The following DYSF variants were observed in gnomAD, a reference collection of about 807,000 sequenced individuals.
DYSF encodes dysferlin, also known as dystrophy-associated fer-1-like 1.
DYSF carries 212 observed loss-of-function variants against 274.9 expected under a neutral mutation model. That is an observed-to-expected ratio of 0.77 (90% CI 0.69 to 0.86). DYSF has a LOEUF of 0.86. DYSF is among the 40% of genes least tolerant of loss of function. DYSF has a pLI of 0.00. For missense variants in DYSF, 2,666 were observed against 2,783.2 expected, an observed-to-expected ratio of 0.96 and a Z score of 0.95; for synonymous variants, 1,091 against 1,078.7, an observed-to-expected ratio of 1.01 and a Z score of -0.22.
chr2:71,681,981 G>A (rs917026313), intron 54 of DYSF, among the ~76,000 whole-genome samples: 1 of 152,230 alleles, frequency 6.6e-6, no homozygotes, highest in Non-Finnish European at 1.5e-5. Context: ...ACGGGGCCAT[G>A]ATGGAGACCC....
At chr2:71,597,102 C>G (rs1209434436) in intron 32 of DYSF, among the ~76,000 whole-genome samples, 1 of 152,214 alleles carries the variant, frequency 6.6e-6, no homozygotes, top group Non-Finnish European at 1.5e-5. Flanking sequence ...TTGCTCTTCT[C>G]CCCTTTGTGC....
intron 55 of DYSF, among the ~76,000 whole-genome samples, chr2:71,683,391 C>T (rs367891352): frequency 6.2e-4 from 94 of 152,290 alleles, no homozygotes; most frequent in South Asian, 1.2e-3. Flanking sequence ...TTCCCCAGCC[C>T]GCACAGCTCA....
chr2:71,515,896 A>G (rs1028081295), intron 8 of DYSF, 145 bp downstream of exon 8: 8 of 1,265,706 alleles, frequency 6.3e-6, no homozygotes, highest in South Asian at 1.4e-5. Context: ...CAAGGAGGTT[A>G]TCTGTGGGAC....
At position 71,632,931 on chromosome 2, in the gene DYSF, T is replaced by A. The variant is rs1249750881; in HGVS notation, c.4528-11034T>A. ...TTGCCATCTGTTTGACTTTACTGGA[T>A]GTCAGGCCCATGTAGTCTCTGGGCC... On this transcript the variant is annotated intron_variant, in intron 41 of 55. Coordinates refer to ENST00000410020, the MANE Select transcript of DYSF (RefSeq NM_001130987.2). 2.0e-5 allele frequency among the ~76,000 whole-genome samples: 3 copies of A among 152,206 alleles called. No homozygotes were observed. The East Asian group carries it at 5.8e-4, about 29-fold the overall frequency.
rs755709561 is a variant in DYSF, at chr2:71,551,066, C to G, written c.1602C>G (p.Pro534=). ...TGGATGACTACCTGGGCTTCCTCCC[C>G]ACTTTTGGGCCCTGCTACATCAACC... The part of the protein sequence containing the change: ...IEVDDYLGFL[P]TFGPCYINLY... Residue 534 remains proline (P), a synonymous_variant, in exon 18 of 56, where the codon CCC becomes CCG. Coordinates refer to ENST00000410020, the MANE Select transcript of DYSF (RefSeq NM_001130987.2). 6.2e-7 allele frequency: 1 copy of G among 1,614,138 alleles called. No homozygotes were observed. The highest frequency in any genetic ancestry group is 1.3e-5 in the African/African-American group (1 of 75,044).
chr2:71,502,162 G>A (rs1435117327), intron 3 of DYSF, among the ~76,000 whole-genome samples: 1 of 151,782 alleles, frequency 6.6e-6, no homozygotes, highest in East Asian at 1.9e-4. Context: ...TAGTATCTCA[G>A]TGTGAGTAGT....
At chr2:71,660,783 T>A in intron 45 of DYSF, 132 bp downstream of exon 45, 1 of 785,610 alleles carries the variant, frequency 1.3e-6, no homozygotes, top group South Asian at 1.5e-5. Flanking sequence ...AAATCTTGCA[T>A]GTCTATGGGG....
chr2:71,583,212 T>G (rs1228983911), intron 30 of DYSF, among the ~76,000 whole-genome samples: 3 of 152,216 alleles, frequency 2.0e-5, no homozygotes, highest in Non-Finnish European at 1.5e-5. Flanking sequence ...TAATCTGCTC[T>G]CGTGAACCAC....
intron 22 of DYSF, among the ~76,000 whole-genome samples, chr2:71,561,150 C>CG (rs2091727974): frequency 6.6e-6 from 1 of 152,130 alleles, no homozygotes; most frequent in South Asian, 2.1e-4. Flanking sequence ...CATGTACCCC[C>CG]CACCTCCTCT....
intron 41 of DYSF, among the ~76,000 whole-genome samples, chr2:71,640,429 G>A (rs946994852): frequency 2.0e-5 from 3 of 152,182 alleles, no homozygotes; most frequent in Admixed American, 6.5e-5. Context: ...TAAAGGGTCA[G>A]ATAGTAAGTA....
intron 48 of DYSF, 126 bp from the exon 49 acceptor site, chr2:71,668,628 T>C (rs2095060869): frequency 1.1e-6 from 1 of 878,702 alleles, no homozygotes; most frequent in African/African-American, 1.7e-5. Flanking sequence ...TTTAGGGCAG[T>C]GAGGCTTTCT....
At chr2:71,676,142 T>G (rs924342570) in intron 52 of DYSF, among the ~76,000 whole-genome samples, 1 of 152,196 alleles carries the variant, frequency 6.6e-6, no homozygotes, top group East Asian at 1.9e-4. Flanking sequence ...ATGCACATCC[T>G]TCGATCCTTT....
intron 45 of DYSF, among the ~76,000 whole-genome samples, chr2:71,663,252 T>C (rs2152949139): frequency 6.6e-6 from 1 of 152,330 alleles, no homozygotes; most frequent in African/African-American, 2.4e-5. Context: ...TTCCTGTGGG[T>C]GCTTTCCAGA....
At chr2:71,467,015 C>T (rs2081582295) in intron 1 of DYSF, 82 bp downstream of exon 1, 18 of 1,510,270 alleles carry the variant, frequency 1.2e-5, no homozygotes, top group Non-Finnish European at 1.4e-5. Context: ...AGCCCCTGCT[C>T]CGGAGCTAAC....
At chr2:71,485,818 A>C (rs575395700) in intron 3 of DYSF, among the ~76,000 whole-genome samples, 7 of 152,226 alleles carry the variant, frequency 4.6e-5, no homozygotes, top group African/African-American at 1.7e-4. Context: ...TGAGCATTTT[A>C]TGTATTTATT....
intron 1 of DYSF, among the ~76,000 whole-genome samples, chr2:71,473,965 T>G (rs181773604): frequency 6.7e-6 from 1 of 149,358 alleles, no homozygotes; most frequent in East Asian, 2.0e-4. Context: ...TTTCTCTTGT[T>G]GCCCAGGCTG....
chr2:71,466,649 G>C, upstream of DYSF: 1 of 1,309,628 alleles, frequency 7.6e-7, no homozygotes, highest in Non-Finnish European at 9.7e-7. Context: ...GGGAGGGTCC[G>C]CCCAGCGGGT....
intron 41 of DYSF, among the ~76,000 whole-genome samples, chr2:71,643,104 C>T (rs1442966962): frequency 6.6e-6 from 1 of 152,064 alleles, no homozygotes; most frequent in Non-Finnish European, 1.5e-5. Context: ...CTTCAGGGAG[C>T]TTGGTGACCC....
intron 36 of DYSF, chr2:71,610,943 G>A (rs556860698): frequency 1.8e-5 from 8 of 441,638 alleles, no homozygotes; most frequent in Admixed American, 1.7e-4. Flanking sequence ...GGGCAGACCC[G>A]GAGCAGCTCA....
Sources: allele counts gnomAD v4.1 joint callset (sites outside exome capture counted in the v4.1 genomes callset), GRCh38; gene constraint gnomAD v4.1.1; transcripts MANE v1.5; gene names NCBI Gene and HGNC (gene_info 2026-07-23, HGNC 2026-07-21).